The following PHACTR4 variants were observed in gnomAD, a reference collection of about 807,000 sequenced individuals.
PHACTR4 encodes protein phosphatase 1, regulatory subunit 124.
Under a neutral mutation model 72.7 loss-of-function variants are expected in PHACTR4, and 51 were observed. That is an observed-to-expected ratio of 0.70 (90% CI 0.56 to 0.89). PHACTR4 has a LOEUF of 0.89. PHACTR4 is among the 40% of genes least tolerant of loss of function. The pLI, the probability that PHACTR4 is intolerant of heterozygous loss-of-function variation, is 0.00. For synonymous variants in PHACTR4, 255 were observed against 302.5 expected (o/e 0.84, Z 1.63); for missense variants, 731 against 861.8 (o/e 0.85, Z 1.90).
intron 1 of PHACTR4, among the ~76,000 whole-genome samples, chr1:28,374,413 T>A (rs1258330204): frequency 6.6e-6 from 1 of 152,238 alleles, no homozygotes; most frequent in East Asian, 1.9e-4. Flanking sequence ...AGTTAAGTCT[T>A]GGATTTATGT....
chr1:28,397,663 T>C (rs1653612801), intron 1 of PHACTR4, among the ~76,000 whole-genome samples: 1 of 151,986 alleles, frequency 6.6e-6, no homozygotes, highest in Admixed American at 6.6e-5. Flanking sequence ...AAACAAGGAA[T>C]GAAGCTATTA....
In PHACTR4 at chr1:28,459,111, C is replaced by G; in HGVS notation, c.43C>G (p.Pro15Ala). Reference protein sequence around the residue: ...FEEADQPTTEPGMVLDSVEAG... With the variant: ...FEEADQPTTEAGMVLDSVEAG... ...GGAAGCAGACCAGCCCACTACAGAGCCAGGCATGGTCCTGGACAGTGTGGA... is the reference window on the plus strand; with the variant it reads ...GGAAGCAGACCAGCCCACTACAGAGGCAGGCATGGTCCTGGACAGTGTGGA... Residue 15 changes from proline to alanine, a missense_variant, in exon 3 of 14, where the codon CCA becomes GCA. Transcript: ENST00000373839. 1 of 1,612,784 alleles carries G rather than the reference C, an allele frequency of 6.2e-7. No homozygotes were observed. Among genetic ancestry groups the G allele is most frequent in the Non-Finnish European group, 8.5e-7 (1 of 1,179,418 alleles).
intron 2 of PHACTR4, among the ~76,000 whole-genome samples, chr1:28,441,300 G>A (rs544349389): frequency 6.6e-6 from 1 of 151,242 alleles, no homozygotes; most frequent in African/African-American, 2.4e-5. Flanking sequence ...GGCTGGTCTC[G>A]AACTCTAGCC....
At chr1:28,443,273 C>CCT (rs373305473) in intron 2 of PHACTR4, among the ~76,000 whole-genome samples, 2 of 65,226 alleles carry the variant, frequency 3.1e-5, no homozygotes, top group Admixed American at 1.3e-4. Flanking sequence ...GTCTTTCTTT[C>CCT]TCTCTCTCTC....
intron 2 of PHACTR4, among the ~76,000 whole-genome samples, chr1:28,411,223 T>C (rs1654768768): frequency 6.6e-6 from 1 of 151,774 alleles, no homozygotes; most frequent in Non-Finnish European, 1.5e-5. Flanking sequence ...ATTTTTGTAT[T>C]TTTAATAGAG....
intron 1 of PHACTR4, among the ~76,000 whole-genome samples, chr1:28,397,868 TG>T (rs970941151): frequency 2.3e-4 from 35 of 151,608 alleles, no homozygotes; most frequent in African/African-American, 6.5e-4. Context: ...GCTAATTTTT[TG>T]TTGTTGTTGT....
At chr1:28,402,653 T>C (rs970127061) in intron 1 of PHACTR4, among the ~76,000 whole-genome samples, 1 of 152,168 alleles carries the variant, frequency 6.6e-6, no homozygotes, top group Non-Finnish European at 1.5e-5. Context: ...TGGCTCACCA[T>C]ATAGGTTTGA....
At chr1:28,439,044 T>G (rs960245842) in intron 2 of PHACTR4, among the ~76,000 whole-genome samples, 1 of 152,172 alleles carries the variant, frequency 6.6e-6, no homozygotes, top group Non-Finnish European at 1.5e-5. Flanking sequence ...GTTTCAAATC[T>G]TCTATGTGAA....
At chr1:28,396,845 CTTTTTTT>C (rs60578939) in intron 1 of PHACTR4, among the ~76,000 whole-genome samples, 21 of 119,670 alleles carry the variant, frequency 1.8e-4, no homozygotes, top group Admixed American at 4.7e-4. Flanking sequence ...TTCTTTCTTT[CTTTTTTT>C]TTTTTTTTTT....
In PHACTR4 at chr1:28,452,457, T is replaced by G. The variant is rs549722936; in HGVS notation, c.17-6628T>G. ...CCAGGAGTTGGAGGCTGCAGTGAGC[T>G]CTCATCTCACCACTGCACTCTAGCC... On this transcript the variant is annotated intron_variant, in intron 2 of 13. Transcript: ENST00000373839. 3.2e-4 allele frequency among the ~76,000 whole-genome samples: 48 copies of G among 152,096 alleles called. No homozygotes were observed. The South Asian group carries it at 9.4e-3, about 30-fold the overall frequency.
intron 2 of PHACTR4, chr1:28,457,809 ACT>A (rs1169787331): frequency 2.0e-6 from 2 of 983,026 alleles, no homozygotes; most frequent in African/African-American, 1.8e-5. Context: ...TTTCCACATG[ACT>A]CTTTTTTTCT....
rs370197776 is a variant in PHACTR4 at position 28,378,002 on chromosome 1, C to T, written c.-39+8177C>T. On this transcript the variant is annotated intron_variant, in intron 1 of 13. Transcript: ENST00000373839. ...CACGAGGTCAGGAGATTGAGACCAT[C>T]CTGGCTAACACGGTGAAACCCCGTC... is the stretch of plus-strand genomic sequence containing the variant. Among the ~76,000 whole-genome samples the T allele has an allele frequency of 1.7e-4, 26 of 149,036 alleles. No individual in the cohort carries two copies. In the East Asian group the frequency reaches 4.8e-3, roughly 27 times the overall value.
chr1:28,467,597 T>C (rs979062112), intron 6 of PHACTR4, among the ~76,000 whole-genome samples: 2 of 152,218 alleles, frequency 1.3e-5, no homozygotes, highest in Non-Finnish European at 2.9e-5. Context: ...ATGAGTCTAG[T>C]AGATAAAAGG....
intron 1 of PHACTR4, among the ~76,000 whole-genome samples, chr1:28,380,516 C>T (rs1275547745): frequency 6.6e-6 from 1 of 152,162 alleles, no homozygotes; most frequent in African/African-American, 2.4e-5. Flanking sequence ...CCATCCTCTA[C>T]TCTCCAATAG....
chr1:28,430,991 CA>C (rs1252101259), intron 2 of PHACTR4, among the ~76,000 whole-genome samples: 2 of 150,958 alleles, frequency 1.3e-5, no homozygotes, highest in Non-Finnish European at 2.9e-5. Flanking sequence ...TCTTGGCTAA[CA>C]CAGTGAAACC....
At chr1:28,404,304 A>G (rs1569845232) in intron 1 of PHACTR4, among the ~76,000 whole-genome samples, 1 of 104,394 alleles carries the variant, frequency 9.6e-6, no homozygotes, top group Non-Finnish European at 1.9e-5. Context: ...TTTTTTTGAG[A>G]CGGAGTTTTG....
intron 4 of PHACTR4, among the ~76,000 whole-genome samples, chr1:28,464,551 C>T (rs570922206): frequency 1.3e-5 from 2 of 152,252 alleles, no homozygotes; most frequent in South Asian, 4.2e-4. Context: ...ATCTCAACTC[C>T]AGCTCAGATA....
In PHACTR4 at chr1:28,493,872, T is replaced by C. The variant is rs11811421; in HGVS notation, c.2093+781T>C. On this transcript the variant is annotated intron_variant, in intron 13 of 13. Transcript: ENST00000373839. The stretch of plus-strand genomic sequence containing the variant: ...AGCACAGTTGATCTTACCAACTTAA[T>C]GTATAAACAACATTTTAATTAGCTG... Among the ~76,000 whole-genome samples the C allele has an allele frequency of 5.1e-3, 771 of 152,312 alleles. 4 individuals carry two copies. The highest frequency in any genetic ancestry group is 0.017 in the African/African-American group (723 of 41,574).
intron 6 of PHACTR4, 175 bp downstream of exon 6, chr1:28,466,943 G>A (rs922149958): frequency 2.3e-5 from 21 of 901,844 alleles, no homozygotes; most frequent in East Asian, 1.1e-4. Context: ...GGCCAGGTGC[G>A]GTGGCTCACG....
Sources: allele counts gnomAD v4.1 joint callset (sites outside exome capture counted in the v4.1 genomes callset), GRCh38; gene constraint gnomAD v4.1.1; transcripts MANE v1.5; gene names NCBI Gene and HGNC (gene_info 2026-07-23, HGNC 2026-07-21).